HLTF: variants seen among roughly 807,000 people sequenced by gnomAD.
HLTF encodes helicase like transcription factor.
A neutral mutation model predicts 129.4 loss-of-function variants in HLTF; 127 were observed. The observed-to-expected ratio is 0.98, with a 90% CI of 0.85 to 1.14. The LOEUF is 1.14. Among genes scored for constraint, HLTF ranks in the 50% most tolerant of loss-of-function variants. HLTF has a pLI of 0.00. For missense variants in HLTF, 1,139 were observed against 1,187.1 expected (o/e 0.96, Z 0.60); for synonymous variants, 332 against 388.8 (o/e 0.85, Z 1.72).
intron 5 of HLTF, 95 bp from the exon 6 acceptor site, chr3:149,071,752 T>C (rs1182508956): frequency 2.4e-6 from 2 of 831,900 alleles, no homozygotes; most frequent in South Asian, 1.7e-5. Flanking sequence ...TTAACTGGCG[T>C]TAATGTCAAA....
chr3:149,051,609 C>T (rs1965258), intron 14 of HLTF, among the ~76,000 whole-genome samples: 47,023 of 152,094 alleles, frequency 0.31, 7,209 homozygotes, highest in East Asian at 0.32. Context: ...GCCTGTAATC[C>T]CGGCACTTTG....
intron 3 of HLTF, among the ~76,000 whole-genome samples, chr3:149,074,819 A>G (rs553070212): frequency 6.6e-6 from 1 of 152,302 alleles, no homozygotes; most frequent in African/African-American, 2.4e-5. Context: ...TTCTCTTCAA[A>G]CTCACCTAGG....
chr3:149,082,781 A>T (rs929907852), intron 2 of HLTF, among the ~76,000 whole-genome samples: 1 of 152,266 alleles, frequency 6.6e-6, no homozygotes, highest in Non-Finnish European at 1.5e-5. Context: ...CAAGGAAATT[A>T]TAAGTCCAAT....
chr3:149,086,377 T>C lies in HLTF; in HGVS notation c.-41A>G. On this transcript the variant is annotated 5_prime_UTR_variant, in exon 1 of 25. Coordinates refer to ENST00000310053, the MANE Select transcript of HLTF (RefSeq NM_003071.4). ...GACAAGAGGAGCGCCTCGGCTCCCC[T>C]GGATCGTTTTCGAGCCGCCTCGATA... The C allele has an allele frequency of 6.4e-7, 1 of 1,566,202 alleles. No homozygotes were observed. Among genetic ancestry groups the C allele is most frequent in the Non-Finnish European group, 8.7e-7 (1 of 1,155,166 alleles).
rs745750885 is a variant in HLTF, at chr3:149,039,176, C to T, written c.2669G>A (p.Arg890Lys). Residue 890 changes from arginine to lysine, a missense_variant, in exon 23 of 25, where the codon AGA (arginine) becomes AAA (lysine). Arg to Lys is a conservative substitution (Grantham distance 26). Coordinates refer to ENST00000310053, the MANE Select transcript of HLTF (RefSeq NM_003071.4). ...RLDGSMAQKKRVESIQCFQNT... is the reference protein window; with the variant it reads ...RLDGSMAQKKKVESIQCFQNT... ...TTGAAAACACTGAATTGATTCAACT[C>T]TTTTCTTTTGGGCCATGGAACCATC... The T allele has an allele frequency of 1.2e-6, 2 of 1,610,136 alleles. No individual in the cohort carries two copies. The highest frequency in any genetic ancestry group is 2.7e-5 in the African/African-American group (2 of 74,674).
At chr3:149,055,453 T>C in intron 13 of HLTF, 53 bp from the exon 14 acceptor site, 5 of 1,176,502 alleles carry the variant, frequency 4.2e-6, no homozygotes, top group South Asian at 3.7e-5. Flanking sequence ...GAAATATATA[T>C]GTCAATAAGG....
Position 149,032,143 on chromosome 3 carries a change from A to G in HLTF, c.*77T>C. ...TTAGAAGACGTGTTCTCTAGATCTCATTTCTAAAACTCTGTATTTTTCTCA... is the reference window on the plus strand; with the variant it reads ...TTAGAAGACGTGTTCTCTAGATCTCGTTTCTAAAACTCTGTATTTTTCTCA... On this transcript the variant is annotated 3_prime_UTR_variant, in exon 25 of 25. Transcript: ENST00000310053. 8.7e-7 allele frequency: 1 copy of G among 1,144,560 alleles called. No homozygotes were observed. 70.9% of individuals were successfully genotyped at this position (1,144,560 alleles called of 1,614,324 possible).
chr3:149,072,946 A>G (rs986425470), intron 5 of HLTF, among the ~76,000 whole-genome samples: 1 of 152,234 alleles, frequency 6.6e-6, no homozygotes, highest in East Asian at 1.9e-4. Flanking sequence ...TGAACATTTA[A>G]AACATTTCAG....
At chr3:149,056,540 C>A (rs1470556558) in intron 13 of HLTF, among the ~76,000 whole-genome samples, 5 of 152,176 alleles carry the variant, frequency 3.3e-5, no homozygotes, top group African/African-American at 1.2e-4. Context: ...TCTCTCAGTG[C>A]TATCTACAGT....
intron 2 of HLTF, among the ~76,000 whole-genome samples, chr3:149,081,536 CT>C (rs1163250831): frequency 6.6e-6 from 1 of 151,946 alleles, no homozygotes; most frequent in Admixed American, 6.6e-5. Flanking sequence ...TCAAGAGAGC[CT>C]GCCTTGAAAA....
At chr3:149,073,421 C>T in intron 4 of HLTF, 99 bp from the exon 5 acceptor site, 1 of 832,854 alleles carries the variant, frequency 1.2e-6, no homozygotes. Context: ...GGGCTGGGTG[C>T]TGTGGCTCAT....
At chr3:149,067,595 T>TA (rs1718501253) in intron 8 of HLTF, among the ~76,000 whole-genome samples, 1 of 152,012 alleles carries the variant, frequency 6.6e-6, no homozygotes, top group South Asian at 2.1e-4. Flanking sequence ...CTCAAACTCC[T>TA]GGGCTCCAGC....
chr3:149,035,803 T>TA (rs976315675), intron 23 of HLTF, among the ~76,000 whole-genome samples: 1 of 152,086 alleles, frequency 6.6e-6, no homozygotes, highest in Non-Finnish European at 1.5e-5. Context: ...ATTAGCTAAT[T>TA]AACACAGACA....
At chr3:149,081,848 G>T (rs778355604) in intron 2 of HLTF, among the ~76,000 whole-genome samples, 3 of 152,162 alleles carry the variant, frequency 2.0e-5, no homozygotes, top group Non-Finnish European at 2.9e-5. Flanking sequence ...TTAAGTATGT[G>T]TTCCTCCAAT....
chr3:149,082,465 A>AC (rs960331379), intron 2 of HLTF, among the ~76,000 whole-genome samples: 1 of 152,208 alleles, frequency 6.6e-6, no homozygotes, highest in African/African-American at 2.4e-5. Flanking sequence ...TCTCAAAAAA[A>AC]ACAAAAAAAA....
intron 18 of HLTF, among the ~76,000 whole-genome samples, chr3:149,045,323 T>TC (rs977466381): frequency 6.6e-6 from 1 of 152,160 alleles, no homozygotes; most frequent in African/African-American, 2.4e-5. Flanking sequence ...GCTTTGGCAT[T>TC]CCCCATCCCC....
At position 149,059,707 on chromosome 3, in the gene HLTF, T is replaced by C. The variant is rs373873572; in HGVS notation, c.1375+11A>G. On this transcript the variant is annotated intron_variant, in intron 13 of 24. Transcript: ENST00000310053. ...AAAACCAAAAACTAGAAAACAAGGA[T>C]ATTTACTGACCCTTTTTCAACATTT... is the stretch of plus-strand genomic sequence containing the variant. 4.4e-5 allele frequency: 67 copies of C among 1,510,832 alleles called. No homozygotes were observed. Among genetic ancestry groups the C allele is most frequent in the Non-Finnish European group, 5.5e-5 (61 of 1,108,654 alleles). 93.6% of individuals were successfully genotyped at this position (1,510,832 alleles called of 1,614,324 possible).
intron 8 of HLTF, among the ~76,000 whole-genome samples, chr3:149,066,394 T>C (rs1461298952): frequency 6.6e-6 from 1 of 152,200 alleles, no homozygotes; most frequent in Non-Finnish European, 1.5e-5. Context: ...ACTTTTTCTC[T>C]ATAAAGTTCA....
intron 15 of HLTF, among the ~76,000 whole-genome samples, chr3:149,049,842 A>G (rs1457813287): frequency 6.6e-6 from 1 of 152,140 alleles, no homozygotes; most frequent in Non-Finnish European, 1.5e-5. Flanking sequence ...AATAACAAAA[A>G]TTAGCTGAGT....
Sources: allele counts gnomAD v4.1 joint callset (sites outside exome capture counted in the v4.1 genomes callset), GRCh38; gene constraint gnomAD v4.1.1; transcripts MANE v1.5; gene names NCBI Gene and HGNC (gene_info 2026-07-23, HGNC 2026-07-21).